TNRC6B: variants seen among roughly 807,000 people sequenced by gnomAD.
The protein encoded by TNRC6B is trinucleotide repeat containing adaptor 6B, also known as trinucleotide repeat-containing gene 6B protein.
A neutral mutation model predicts 203.6 loss-of-function variants in TNRC6B; 52 were observed. The ratio of observed to expected loss-of-function variants is 0.26; its 90% CI spans 0.20 to 0.32. TNRC6B has a LOEUF of 0.32. Ranked by LOEUF, TNRC6B falls within the 10% of genes least tolerant of loss-of-function variation. TNRC6B has a pLI of 1.00. For missense variants in TNRC6B, 1,923 were observed against 2,286.2 expected (o/e 0.84, Z 3.24); for synonymous variants, 838 against 845.7 (o/e 0.99, Z 0.16).
At chr22:40,108,443 G>A (rs2068305597) in intron 1 of TNRC6B, among the ~76,000 whole-genome samples, 1 of 152,224 alleles carries the variant, frequency 6.6e-6, no homozygotes, top group African/African-American at 2.4e-5. Flanking sequence ...TTCTTGCCCA[G>A]CTCTTGCTTG....
At position 40,332,362 on chromosome 22, in the gene TNRC6B, G is replaced by T. The variant is rs3087610; in HGVS notation, c.*9121G>T. The T allele has an allele frequency of 2.0e-5, 3 of 152,672 alleles. No homozygotes were observed. Among genetic ancestry groups the T allele is most frequent in the Admixed American group, 6.5e-5 (1 of 15,302 alleles). The allele number at this position is 152,672 out of a possible 1,614,324, so 9.5% of individuals were successfully genotyped here. A position where few individuals can be genotyped will look rare whatever the true frequency, so the allele number is the denominator to read the frequency against. ...AGGCTGTATGAAGCCAATGAGCTGCGAGGTGTTTTGACAGGGGAGGTCTGC... is the reference window on the plus strand; with the variant it reads ...AGGCTGTATGAAGCCAATGAGCTGCTAGGTGTTTTGACAGGGGAGGTCTGC... On this transcript the variant is annotated 3_prime_UTR_variant, in exon 23 of 23. Transcript: ENST00000454349.
At chr22:40,046,278 CT>C (rs2067686685) in intron 1 of TNRC6B, among the ~76,000 whole-genome samples, 1 of 152,172 alleles carries the variant, frequency 6.6e-6, no homozygotes, top group Non-Finnish European at 1.5e-5. Flanking sequence ...GTAAATGCCT[CT>C]TATAGAGCGG....
At chr22:40,276,078 T>C (rs1420449671) in intron 7 of TNRC6B, among the ~76,000 whole-genome samples, 1 of 151,904 alleles carries the variant, frequency 6.6e-6, no homozygotes, top group Admixed American at 6.6e-5. Flanking sequence ...CTGGGCACGG[T>C]GGCTCACACC....
intron 1 of TNRC6B, 127 bp from the exon 2 acceptor site, chr22:40,245,888 T>C (rs118179936): frequency 0.015 from 7,599 of 512,344 alleles, 113 homozygotes; most frequent in Admixed American, 0.049. Context: ...TTAAATGAAA[T>C]ACTGTGTTCT....
chr22:40,056,738 C>T (rs960776906), intron 1 of TNRC6B, among the ~76,000 whole-genome samples: 1 of 145,726 alleles, frequency 6.9e-6, no homozygotes, highest in South Asian at 2.1e-4. Context: ...TTGGAGGCTG[C>T]GGTGAGCTAG....
chr22:40,104,486 A>G (rs894889505), intron 1 of TNRC6B, among the ~76,000 whole-genome samples: 3 of 152,092 alleles, frequency 2.0e-5, no homozygotes, highest in African/African-American at 7.2e-5. Flanking sequence ...TGTAGATCCA[A>G]ATTTGGAGTC....
intron 1 of TNRC6B, among the ~76,000 whole-genome samples, chr22:40,230,279 CTTCT>C (rs1425828055): frequency 1.6e-5 from 2 of 124,934 alleles, no homozygotes; most frequent in Non-Finnish European, 3.4e-5. Flanking sequence ...TTTTGCCCAT[CTTCT>C]TTTTTTTTTT....
chr22:40,219,365 G>A (rs1302994731), intron 1 of TNRC6B, among the ~76,000 whole-genome samples: 3 of 152,182 alleles, frequency 2.0e-5, no homozygotes, highest in Non-Finnish European at 4.4e-5. Context: ...TTATGGAGGT[G>A]GGAATGACCT....
At chr22:40,283,647 C>A (rs544302439) in intron 11 of TNRC6B, among the ~76,000 whole-genome samples, 3 of 152,154 alleles carry the variant, frequency 2.0e-5, no homozygotes, top group African/African-American at 7.2e-5. Flanking sequence ...TGTGGACTTA[C>A]CTATATTATT....
At chr22:40,286,177 A>G (rs1439569414) in intron 12 of TNRC6B, among the ~76,000 whole-genome samples, 3 of 152,200 alleles carry the variant, frequency 2.0e-5, no homozygotes, top group Non-Finnish European at 1.5e-5. Flanking sequence ...ACCCAAAGAT[A>G]AAAAGAGAAT....
Position 40,179,836 on chromosome 22 carries a change from G to A in TNRC6B, c.5+1696G>A, listed in dbSNP as rs962610301. 3.3e-5 allele frequency among the ~76,000 whole-genome samples: 5 copies of A among 152,198 alleles called. No homozygotes were observed. In the South Asian group the frequency reaches 1.0e-3, roughly 32 times the overall value. On this transcript the variant is annotated intron_variant, in intron 1 of 22. Transcript: ENST00000454349. The stretch of plus-strand genomic sequence containing the variant: ...TGTTTCTTTGGGCCAATTGTGTGTA[G>A]ATGAAGGGACTTTCACGCTAATTTA...
intron 1 of TNRC6B, among the ~76,000 whole-genome samples, chr22:40,073,034 A>G (rs981958109): frequency 1.3e-5 from 2 of 151,970 alleles, no homozygotes; most frequent in African/African-American, 4.8e-5. Flanking sequence ...CATGTATTCT[A>G]CATAAGGACA....
chr22:40,267,137 A>G, intron 5 of TNRC6B, 101 bp downstream of exon 5: 2 of 1,255,148 alleles, frequency 1.6e-6, no homozygotes, highest in Non-Finnish European at 2.1e-6. Flanking sequence ...TTGTTCTGAG[A>G]TGCTTTCCTA....
chr22:40,178,122 C>T lies in TNRC6B; in HGVS notation c.-14C>T. The T allele has an allele frequency of 6.2e-7, 1 of 1,612,050 alleles. No individual in the cohort carries two copies. Among genetic ancestry groups the T allele is most frequent in the South Asian group, 1.1e-5 (1 of 90,594 alleles). ...TATGCCTCAATTTGCTGGATTTAAG[C>T]ACTGCTGCACTTTATGAGGTTGGTA... On this transcript the variant is annotated 5_prime_UTR_variant, in exon 1 of 23. Coordinates refer to ENST00000454349, the MANE Select transcript of TNRC6B (RefSeq NM_001162501.2).
intron 1 of TNRC6B, among the ~76,000 whole-genome samples, chr22:40,232,222 T>A (rs1472053502): frequency 6.6e-6 from 1 of 152,212 alleles, no homozygotes; most frequent in African/African-American, 2.4e-5. Flanking sequence ...AGCAGCGGCA[T>A]ATCATACGGG....
rs1319906611 is a variant in TNRC6B, at chr22:40,324,640, C to G, written c.*1399C>G. The G allele has an allele frequency of 6.6e-6, 1 of 152,670 alleles. No individual in the cohort carries two copies. Among genetic ancestry groups the G allele is most frequent in the East Asian group, 1.9e-4 (1 of 5,194 alleles). The allele number at this position is 152,670 out of a possible 1,614,324, so 9.5% of individuals were successfully genotyped here. ...GCCAGGCCGTGGCGCGTTACAGCAC[C>G]AGGCCATCACTGACAGAAACGTTTA... is the stretch of plus-strand genomic sequence containing the variant. On this transcript the variant is annotated 3_prime_UTR_variant, in exon 23 of 23. Transcript: ENST00000454349.
chr22:40,232,854 A>G (rs1007666387), intron 1 of TNRC6B, among the ~76,000 whole-genome samples: 4 of 152,142 alleles, frequency 2.6e-5, no homozygotes, highest in Non-Finnish European at 5.9e-5. Flanking sequence ...CGCTACTACA[A>G]AAATTAGCCG....
At chr22:40,148,662 GT>G (rs2068718323) in intron 3 of TNRC6B, among the ~76,000 whole-genome samples, 2 of 151,732 alleles carry the variant, frequency 1.3e-5, no homozygotes, top group Non-Finnish European at 2.9e-5. Context: ...GTTGAATTAT[GT>G]TGAAATACGA....
At chr22:40,284,837 T>C (rs1255861325) in intron 11 of TNRC6B, among the ~76,000 whole-genome samples, 1 of 152,186 alleles carries the variant, frequency 6.6e-6, no homozygotes, top group Non-Finnish European at 1.5e-5. Flanking sequence ...AGTGTTGCAT[T>C]ATTATCAAAT....
Sources: allele counts gnomAD v4.1 joint callset (sites outside exome capture counted in the v4.1 genomes callset), GRCh38; gene constraint gnomAD v4.1.1; transcripts MANE v1.5; gene names NCBI Gene and HGNC (gene_info 2026-07-23, HGNC 2026-07-21).